The following TTYH2 variants were observed in gnomAD, a reference collection of about 807,000 sequenced individuals.
The protein encoded by TTYH2 is tweety family member 2.
TTYH2 carries 49 observed loss-of-function variants against 68.3 expected under a neutral mutation model. The ratio of observed to expected loss-of-function variants is 0.72; its 90% CI spans 0.57 to 0.91. TTYH2 has a LOEUF of 0.91. TTYH2 is among the 40% of genes least tolerant of loss of function. The pLI is 0.00. For synonymous variants in TTYH2, 272 were observed against 300.8 expected (o/e 0.90, Z 0.99); for missense variants, 631 against 700.4 (o/e 0.90, Z 1.12).
In TTYH2 at chr17:74,261,619, C is replaced by G. The variant is rs1294875590; in HGVS notation, c.*1410C>G. ...GTTCACAACACCAGAGCCCCACGGCCTCGCACACTGAAGCAGGGGCGTGCG... is the reference window on the plus strand; with the variant it reads ...GTTCACAACACCAGAGCCCCACGGCGTCGCACACTGAAGCAGGGGCGTGCG... On this transcript the variant is annotated 3_prime_UTR_variant, in exon 14 of 14. Coordinates refer to ENST00000269346, the MANE Select transcript of TTYH2 (RefSeq NM_032646.6). 1 of 152,574 alleles carries G rather than the reference C, an allele frequency of 6.6e-6. No individual in the cohort carries two copies. The highest frequency in any genetic ancestry group is 1.5e-5 in the Non-Finnish European group (1 of 68,026). The allele number at this position is 152,574 out of a possible 1,614,324, so 9.5% of individuals were successfully genotyped here.
intron 3 of TTYH2, among the ~76,000 whole-genome samples, chr17:74,233,217 C>G (rs2050407987): frequency 6.6e-6 from 1 of 152,110 alleles, no homozygotes; most frequent in South Asian, 2.1e-4. Context: ...TGCCTTGCCT[C>G]CAGGTGGAAA....
At position 74,231,066 on chromosome 17, in the gene TTYH2, G is replaced by T. The variant is rs1028861430; in HGVS notation, c.414+67G>T. ...CAAGGTCAGCGTGGTCAGAGCAAGGGCCCCCGTCAGATCCCAGCTAGCTCA... is the reference window on the plus strand; with the variant it reads ...CAAGGTCAGCGTGGTCAGAGCAAGGTCCCCCGTCAGATCCCAGCTAGCTCA... On this transcript the variant is annotated intron_variant, in intron 3 of 13. Transcript: ENST00000269346. The T allele has an allele frequency of 7.0e-6, 10 of 1,428,706 alleles. No individual in the cohort carries two copies. The African/African-American group carries it at 1.4e-4, about 20-fold the overall frequency. 88.5% of individuals were successfully genotyped at this position (1,428,706 alleles called of 1,614,324 possible).
At position 74,214,609 on chromosome 17, in the gene TTYH2, C is replaced by T. The variant is rs1213046006; in HGVS notation, c.129+893C>T. Among the ~76,000 whole-genome samples the T allele has an allele frequency of 6.6e-6, 1 of 152,208 alleles. No homozygotes were observed. Among genetic ancestry groups the T allele is most frequent in the Non-Finnish European group, 1.5e-5 (1 of 68,050 alleles). On this transcript the variant is annotated intron_variant, in intron 1 of 13. Coordinates refer to ENST00000269346, the MANE Select transcript of TTYH2 (RefSeq NM_032646.6). The surrounding 1 kb of genome is among the most constrained non-coding windows in gnomAD (Gnocchi z 4.6). ...GCCAGGGCTCCCCAGACCTCCCTGCCCAGACAAACAAAGCTGCAGAATCTC... is the reference window on the plus strand; with the variant it reads ...GCCAGGGCTCCCCAGACCTCCCTGCTCAGACAAACAAAGCTGCAGAATCTC...
intron 13 of TTYH2, among the ~76,000 whole-genome samples, chr17:74,258,891 C>T (rs565766258): frequency 6.6e-6 from 1 of 152,304 alleles, no homozygotes; most frequent in African/African-American, 2.4e-5. Flanking sequence ...TCCCCAACCC[C>T]AGCCCAAGTG....
At chr17:74,252,192 C>T in intron 10 of TTYH2, 42 bp from the exon 11 acceptor site, 1 of 1,607,320 alleles carries the variant, frequency 6.2e-7, no homozygotes. Context: ...CAGGCTTTGC[C>T]CCCGCTCCTT....
Position 74,241,709 on chromosome 17 carries a change from G to T in TTYH2, c.636-1665G>T, listed in dbSNP as rs2050502963. Among the ~76,000 whole-genome samples the T allele has an allele frequency of 6.6e-6, 1 of 152,232 alleles. No homozygotes were observed. The highest frequency in any genetic ancestry group is 6.5e-5 in the Admixed American group (1 of 15,284). On this transcript the variant is annotated intron_variant, in intron 4 of 13. Coordinates refer to ENST00000269346, the MANE Select transcript of TTYH2 (RefSeq NM_032646.6). The surrounding 1 kb of genome is among the most constrained non-coding windows in gnomAD (Gnocchi z 4.1). ...AACCATTGCTGGAGAGGAGAGGTCA[G>T]CGACTTTACTTGGCTCTTGCAGCAA...
Position 74,232,101 on chromosome 17 carries a change from A to G in TTYH2, c.414+1102A>G, listed in dbSNP as rs1365783122. ...CTCACTCTAAGCACCAGACCTTTTCAGCTGCTTATCCGAGCAGCCTCTGCC... is the reference window on the plus strand; with the variant it reads ...CTCACTCTAAGCACCAGACCTTTTCGGCTGCTTATCCGAGCAGCCTCTGCC... On this transcript the variant is annotated intron_variant, in intron 3 of 13. Coordinates refer to ENST00000269346, the MANE Select transcript of TTYH2 (RefSeq NM_032646.6). This position sits in a 1 kb window ranked among gnomAD's most constrained non-coding sequence, Gnocchi z 5.1. Among the ~76,000 whole-genome samples, 3 of 152,278 alleles carry G rather than the reference A, an allele frequency of 2.0e-5. No homozygotes were observed. Among genetic ancestry groups the G allele is most frequent in the East Asian group, 3.9e-4 (2 of 5,180 alleles).
Position 74,230,894 on chromosome 17 carries a change from G to T in TTYH2, c.309G>T (p.Ala103=), listed in dbSNP as rs150112430. ...AVVAGLICCA[A]VGVGFYGNSE... ...TTTGGGATCTTGCTTATAGTGCTGC[G>T]GTGGGCGTTGGTTTCTATGGAAACA... Residue 103 remains alanine (A), a synonymous_variant, in exon 3 of 14, where the codon GCG becomes GCT. Coordinates refer to ENST00000269346, the MANE Select transcript of TTYH2 (RefSeq NM_032646.6). 1.9e-5 allele frequency: 31 copies of T among 1,614,022 alleles called. No individual in the cohort carries two copies. Among genetic ancestry groups the T allele is most frequent in the Admixed American group, 1.7e-4 (10 of 60,006 alleles).
Position 74,237,526 on chromosome 17 carries a change from G to A in TTYH2, c.635+12G>A, listed in dbSNP as rs979923842. 1.3e-6 allele frequency: 2 copies of A among 1,590,678 alleles called. No individual in the cohort carries two copies. Among genetic ancestry groups the A allele is most frequent in the African/African-American group, 2.7e-5 (2 of 74,580 alleles). ...GTGGAGTACTACAGGTGAAGGACCG[G>A]TGGGAGGCAGAGGGAGGGGCAGCAG... On this transcript the variant is annotated intron_variant, in intron 4 of 13. Coordinates refer to ENST00000269346, the MANE Select transcript of TTYH2 (RefSeq NM_032646.6).
chr17:74,220,701 GAGCCCC>G (rs11278539), intron 1 of TTYH2, among the ~76,000 whole-genome samples: 4,443 of 152,238 alleles, frequency 0.029, 127 homozygotes, highest in African/African-American at 0.071. Flanking sequence ...CAGGTGGGGA[GAGCCCC>G]AGCCCCAGCC....
chr17:74,251,386 G>C (rs59240044), intron 10 of TTYH2, among the ~76,000 whole-genome samples: 17,489 of 149,498 alleles, frequency 0.12, 1,203 homozygotes, highest in Non-Finnish European at 0.15. Context: ...CATGTGTGTG[G>C]GGGGTGTGTG....
intron 3 of TTYH2, among the ~76,000 whole-genome samples, chr17:74,231,439 T>A (rs7406660): frequency 0.47 from 70,674 of 151,974 alleles, 18,435 homozygotes; most frequent in African/African-American, 0.71. Context: ...CACTCCTGTC[T>A]TCCCAGCACT....
At position 74,218,235 on chromosome 17, in the gene TTYH2, GC is replaced by G. The variant is rs1208204635; in HGVS notation, c.130-4247del. Among the ~76,000 whole-genome samples, 8 of 152,090 alleles carry G rather than the reference GC, an allele frequency of 5.3e-5. 1 individual carries two copies. In the Middle Eastern group the frequency reaches 0.017, roughly 323 times the overall value. On this transcript the variant is annotated intron_variant, in intron 1 of 13. Coordinates refer to ENST00000269346, the MANE Select transcript of TTYH2 (RefSeq NM_032646.6). ...TTTCCCTCCTCCTTCCTCCTCCCTT[GC>G]CCACCTTCCCTCTTCTTTCTTCTTC...
rs532840740 is a variant in TTYH2, at chr17:74,256,915, C to T, written c.1524+3082C>T. ...GCACCTGCCTTGGCCTCCCAAAGTG[C>T]TGGGGTTACAGGCATGAGCCACCAC... On this transcript the variant is annotated intron_variant, in intron 13 of 13. Coordinates refer to ENST00000269346, the MANE Select transcript of TTYH2 (RefSeq NM_032646.6). 2.0e-5 allele frequency: 3 copies of T among 152,384 alleles called. 1 individual carries two copies. The South Asian group carries it at 6.2e-4, about 32-fold the overall frequency. 9.4% of individuals were successfully genotyped at this position (152,384 alleles called of 1,614,324 possible). A position where few individuals can be genotyped will look rare whatever the true frequency, so the allele number is the denominator to read the frequency against.
rs767303749 is a variant in TTYH2, at chr17:74,213,628, T to C, written c.41T>C (p.Val14Ala). Residue 14 changes from valine (V) to alanine (A), a missense_variant, in exon 1 of 14, where the codon GTC becomes GCC. Physicochemically the swap from Val to Ala is moderately conservative, Grantham distance 64. Transcript: ENST00000269346. This position sits in a 1 kb window ranked among gnomAD's most constrained non-coding sequence, Gnocchi z 6.1. ...ARVDYIAPWWVVWLHSVPHVG... is the reference protein window; with the variant it reads ...ARVDYIAPWWAVWLHSVPHVG... Reference sequence around the variant, plus strand: ...GTGGACTACATCGCTCCCTGGTGGGTCGTGTGGCTGCACAGCGTCCCGCAC... The same window carrying C: ...GTGGACTACATCGCTCCCTGGTGGGCCGTGTGGCTGCACAGCGTCCCGCAC... 6.2e-7 allele frequency: 1 copy of C among 1,611,172 alleles called. No individual in the cohort carries two copies. Among genetic ancestry groups the C allele is most frequent in the East Asian group, 2.2e-5 (1 of 44,702 alleles).
rs3865235 is a variant in TTYH2 at position 74,260,833 on chromosome 17, G to A, written c.*624G>A. ...TCTGCAGTGGGGGGCTGGTGGCTCC[G>A]GGGCTGGGGGATCACAGGCTGGTGA... On this transcript the variant is annotated 3_prime_UTR_variant, in exon 14 of 14. Transcript: ENST00000269346. The A allele has an allele frequency of 0.023, 3,607 of 153,678 alleles. 162 individuals carry two copies. Among genetic ancestry groups the A allele is most frequent in the African/African-American group, 0.081 (3,350 of 41,508 alleles). 9.5% of individuals were successfully genotyped at this position (153,678 alleles called of 1,614,324 possible).
At chr17:74,231,787 C>G (rs2050392300) in intron 3 of TTYH2, among the ~76,000 whole-genome samples, 1 of 152,096 alleles carries the variant, frequency 6.6e-6, no homozygotes, top group Non-Finnish European at 1.5e-5. Context: ...GGTGGGGGCT[C>G]ACAGTGAAGG....
At chr17:74,256,373 G>A (rs1159410463) in intron 13 of TTYH2, among the ~76,000 whole-genome samples, 1 of 152,116 alleles carries the variant, frequency 6.6e-6, no homozygotes, top group East Asian at 1.9e-4. Flanking sequence ...ACAAAGCACG[G>A]TGCAGCCCCA....
intron 2 of TTYH2, among the ~76,000 whole-genome samples, chr17:74,227,007 C>T (rs192913663): frequency 2.1e-3 from 327 of 152,186 alleles, no homozygotes; most frequent in Admixed American, 5.7e-3. Context: ...CAGAGTCTCA[C>T]TCTGTCGCCC....
Sources: allele counts gnomAD v4.1 joint callset (sites outside exome capture counted in the v4.1 genomes callset), GRCh38; gene constraint gnomAD v4.1.1; non-coding constraint Gnocchi (gnomAD v3.1); transcripts MANE v1.5; gene names NCBI Gene and HGNC (gene_info 2026-07-23, HGNC 2026-07-21).